CMTM4: variants seen among roughly 807,000 people sequenced by gnomAD.
The protein encoded by CMTM4 is CKLF-like MARVEL transmembrane domain-containing protein 4.
Under a neutral mutation model 19.0 loss-of-function variants are expected in CMTM4, and 8 were observed. The observed-to-expected ratio is 0.42, with a 90% CI of 0.25 to 0.76. CMTM4 has a LOEUF of 0.76. Ranked by LOEUF, CMTM4 falls within the 30% of genes least tolerant of loss-of-function variation. The pLI is 0.27. For missense variants in CMTM4, 228 were observed against 290.2 expected (o/e 0.79, Z 1.56); for synonymous variants, 106 against 121.1 (o/e 0.88, Z 0.82).
intron 2 of CMTM4, among the ~76,000 whole-genome samples, chr16:66,633,511 A>C (rs2015924028): frequency 6.6e-6 from 1 of 152,070 alleles, no homozygotes; most frequent in Non-Finnish European, 1.5e-5. Context: ...ACTGGACATG[A>C]GCTGCCTTTA....
intron 2 of CMTM4, among the ~76,000 whole-genome samples, chr16:66,630,822 T>C (rs1228725584): frequency 6.7e-6 from 1 of 150,088 alleles, no homozygotes; most frequent in Admixed American, 6.6e-5. Context: ...GGAGCATCTC[T>C]GCCCGGCCGC....
At chr16:66,687,682 A>ATTTTTTTT (rs1176777153) in intron 1 of CMTM4, among the ~76,000 whole-genome samples, 1 of 93,296 alleles carries the variant, frequency 1.1e-5, no homozygotes, top group African/African-American at 3.8e-5. Context: ...AAAAAGGGTA[A>ATTTTTTTT]TTTTTTTTTT....
intron 1 of CMTM4, among the ~76,000 whole-genome samples, chr16:66,665,536 G>A (rs907408707): frequency 9.2e-5 from 14 of 152,026 alleles, no homozygotes; most frequent in Admixed American, 8.5e-4. Flanking sequence ...CCTGAAGTCA[G>A]GAGTTCAAGA....
intron 2 of CMTM4, among the ~76,000 whole-genome samples, chr16:66,631,239 C>G: frequency 6.7e-6 from 1 of 149,976 alleles, no homozygotes; most frequent in South Asian, 2.1e-4. Flanking sequence ...GCCCGGCCAG[C>G]CGCCCCGTCC....
the CMTM4 span, chr16:66,605,096 G>A: frequency 1.2e-6 from 1 of 830,196 alleles, no homozygotes; most frequent in Non-Finnish European, 1.7e-6. This position sits in a 1 kb window ranked among gnomAD's most constrained non-coding sequence, Gnocchi z 4.6. Flanking sequence ...CTTCTCTCGG[G>A]CGCCTGGCGA....
intron 1 of CMTM4, among the ~76,000 whole-genome samples, chr16:66,667,123 G>A (rs964835621): frequency 6.6e-6 from 1 of 152,118 alleles, no homozygotes; most frequent in Non-Finnish European, 1.5e-5. Context: ...TCGGGAGGTC[G>A]AGACCAGCCT....
chr16:66,638,097 C>T (rs970729500), intron 1 of CMTM4, among the ~76,000 whole-genome samples: 48 of 152,202 alleles, frequency 3.2e-4, no homozygotes, highest in African/African-American at 1.1e-3. Context: ...TCTTCCCTGA[C>T]TGCTTCTCCC....
the CMTM4 span, chr16:66,609,608 C>T: frequency 3.3e-6 from 5 of 1,515,472 alleles, no homozygotes; most frequent in East Asian, 2.5e-5. This position sits in a 1 kb window ranked among gnomAD's most constrained non-coding sequence, Gnocchi z 4.4. Flanking sequence ...TGGGGCAGAG[C>T]CTTTCCCTGC....
At chr16:66,625,534 C>CAGT (rs2015720639) in intron 2 of CMTM4, among the ~76,000 whole-genome samples, 1 of 151,212 alleles carries the variant, frequency 6.6e-6, no homozygotes, top group East Asian at 1.9e-4. Context: ...TGATCATTAA[C>CAGT]AGTAGTGAGT....
At chr16:66,671,961 G>A (rs961766147) in intron 1 of CMTM4, among the ~76,000 whole-genome samples, 1 of 151,994 alleles carries the variant, frequency 6.6e-6, no homozygotes, top group Non-Finnish European at 1.5e-5. Flanking sequence ...CCGGCAGGTC[G>A]AGGATGTGGT....
intron 1 of CMTM4, among the ~76,000 whole-genome samples, chr16:66,638,513 T>C (rs2016039780): frequency 6.6e-6 from 1 of 152,234 alleles, no homozygotes; most frequent in African/African-American, 2.4e-5. Flanking sequence ...AAGAGATCTA[T>C]TGTACAACAT....
intron 1 of CMTM4, among the ~76,000 whole-genome samples, chr16:66,646,671 A>G (rs2016207425): frequency 6.6e-6 from 1 of 152,000 alleles, no homozygotes; most frequent in South Asian, 2.1e-4. Flanking sequence ...GTGACCTCTA[A>G]GAACCAATCC....
At chr16:66,667,505 A>G (rs940205236) in intron 1 of CMTM4, among the ~76,000 whole-genome samples, 7 of 152,172 alleles carry the variant, frequency 4.6e-5, no homozygotes, top group African/African-American at 1.4e-4. Context: ...ACACCTACAT[A>G]CATAAGATGC....
chr16:66,664,005 G>A (rs1483332957), intron 1 of CMTM4, among the ~76,000 whole-genome samples: 2 of 152,232 alleles, frequency 1.3e-5, no homozygotes, highest in East Asian at 1.9e-4. Context: ...GGCTGAGGCA[G>A]GCAGATCACC....
intron 1 of CMTM4, among the ~76,000 whole-genome samples, chr16:66,674,480 A>G (rs1275343982): frequency 2.6e-5 from 4 of 152,152 alleles, no homozygotes; most frequent in Admixed American, 2.6e-4. Flanking sequence ...CTAACAGGTT[A>G]TCTGCATTAG....
chr16:66,676,259 G>C (rs765339652), intron 1 of CMTM4, among the ~76,000 whole-genome samples: 5 of 152,146 alleles, frequency 3.3e-5, no homozygotes, highest in African/African-American at 4.8e-5. Flanking sequence ...ACATCACAAA[G>C]AGTTGATGTG....
At chr16:66,642,249 C>T (rs1434067504) in intron 1 of CMTM4, among the ~76,000 whole-genome samples, 1 of 152,166 alleles carries the variant, frequency 6.6e-6, no homozygotes, top group African/African-American at 2.4e-5. Flanking sequence ...CAACTTATAA[C>T]AACCTTGAAG....
chr16:66,696,252 G>A lies in CMTM4; in HGVS notation c.186+88C>T. 2 of 987,352 alleles carry A rather than the reference G, an allele frequency of 2.0e-6. No homozygotes were observed. Among genetic ancestry groups the A allele is most frequent in the Non-Finnish European group, 1.3e-6 (1 of 760,846 alleles). 61.2% of individuals were successfully genotyped at this position (987,352 alleles called of 1,614,324 possible). A position where few individuals can be genotyped will look rare whatever the true frequency, so the allele number is the denominator to read the frequency against. ...AGCGGGCTCCGGCCTGGGCAAGCGG[G>A]TACGCGGCGGAGGCCCCGCAGCGGG... On this transcript the variant is annotated intron_variant, in intron 1 of 3. Coordinates refer to ENST00000394106, the MANE Select transcript of CMTM4 (RefSeq NM_181521.3). This position sits in a 1 kb window ranked among gnomAD's most constrained non-coding sequence, Gnocchi z 4.3.
chr16:66,618,936 C>T lies in CMTM4; in HGVS notation c.*3122G>A. On this transcript the variant is annotated 3_prime_UTR_variant, in exon 4 of 4. Transcript: ENST00000394106. The stretch of plus-strand genomic sequence containing the variant: ...CAGAGCTGGGCCGGACTTGCCCATG[C>T]TGGCTTCAGCTCACATTGCCAAGGA... 1 of 985,528 alleles carries T rather than the reference C, an allele frequency of 1.0e-6. No individual in the cohort carries two copies. Among genetic ancestry groups the T allele is most frequent in the Non-Finnish European group, 1.2e-6 (1 of 829,966 alleles). The allele number at this position is 985,528 out of a possible 1,614,324, so 61.0% of individuals were successfully genotyped here.
Sources: allele counts gnomAD v4.1 joint callset (sites outside exome capture counted in the v4.1 genomes callset), GRCh38; gene constraint gnomAD v4.1.1; non-coding constraint Gnocchi (gnomAD v3.1); transcripts MANE v1.5; gene names NCBI Gene and HGNC (gene_info 2026-07-23, HGNC 2026-07-21).